The following TRA2A variants were observed in gnomAD, a reference collection of about 807,000 sequenced individuals.
TRA2A encodes transformer-2 protein homolog alpha.
TRA2A carries 31 observed loss-of-function variants against 45.7 expected under a neutral mutation model. That is an observed-to-expected ratio of 0.68 (90% confidence interval 0.51 to 0.92). The LOEUF (loss-of-function observed/expected upper bound fraction) is 0.92. Among genes scored for constraint, TRA2A ranks in the 40% least tolerant of loss-of-function variants. The pLI is 0.00. For missense variants in TRA2A, 304 were observed against 367.5 expected, an observed-to-expected ratio of 0.83 and a Z score of 1.41; for synonymous variants, 132 against 126.2, an observed-to-expected ratio of 1.05 and a Z score of -0.31.
Position 23,521,693 on chromosome 7 carries a change from T to C in TRA2A, c.170+14A>G. 1 of 1,613,874 alleles carries C rather than the reference T, an allele frequency of 6.2e-7. No homozygotes were observed. Among genetic ancestry groups the C allele is most frequent in the Non-Finnish European group, 8.5e-7 (1 of 1,179,856 alleles). On this transcript the variant is annotated intron_variant, in intron 2 of 7. Coordinates refer to ENST00000297071, the MANE Select transcript of TRA2A (RefSeq NM_013293.5). ...CCAGAAGAATATTTTAAGTATTATC[T>C]TAAACACACTTACCTGGATTTTGAT...
chr7:23,517,738 CCT>C (rs1194706874), intron 2 of TRA2A, among the ~76,000 whole-genome samples: 1 of 150,722 alleles, frequency 6.6e-6, no homozygotes, highest in African/African-American at 2.4e-5. Flanking sequence ...ATGGTAAAAC[CCT>C]GTCTCTACTA....
At chr7:23,516,615 A>T (rs1789884293) in intron 2 of TRA2A, 87 bp from the exon 3 acceptor site, 2 of 1,206,932 alleles carry the variant, frequency 1.7e-6, no homozygotes, top group East Asian at 4.7e-5. Flanking sequence ...ATATATCCCT[A>T]ACTATTCTCA....
chr7:23,507,573 C>G lies in TRA2A; in HGVS notation c.526-38G>C, dbSNP rs1380038144. 4 of 1,414,660 alleles carry G rather than the reference C, an allele frequency of 2.8e-6. No homozygotes were observed. The African/African-American group carries it at 5.6e-5, about 20-fold the overall frequency. The allele number at this position is 1,414,660 out of a possible 1,614,324, so 87.6% of individuals were successfully genotyped here. Reference sequence around the variant, plus strand: ...GGCACAAAAAGTCACGTATAATTCACCAGTCTTGAAGTAATCATTACTTAA... The same window carrying G: ...GGCACAAAAAGTCACGTATAATTCAGCAGTCTTGAAGTAATCATTACTTAA... On this transcript the variant is annotated intron_variant, in intron 4 of 7. Coordinates refer to ENST00000297071, the MANE Select transcript of TRA2A (RefSeq NM_013293.5).
chr7:23,522,712 T>A (rs1293284952), intron 1 of TRA2A, among the ~76,000 whole-genome samples: 1 of 152,134 alleles, frequency 6.6e-6, no homozygotes, highest in African/African-American at 2.4e-5. Context: ...TGTGAGCAAT[T>A]TTAATATAAT....
intron 6 of TRA2A, 125 bp downstream of exon 6, chr7:23,506,013 C>A (rs993604261): frequency 6.7e-6 from 6 of 897,096 alleles, no homozygotes; most frequent in Non-Finnish European, 1.0e-5. Flanking sequence ...AACTTCTGCT[C>A]CCAAAGGCGT....
intron 2 of TRA2A, among the ~76,000 whole-genome samples, chr7:23,517,670 T>C (rs1789947969): frequency 6.7e-6 from 1 of 150,300 alleles, no homozygotes. Context: ...TCCCAGTACT[T>C]TGGGAGGCCG....
intron 1 of TRA2A, among the ~76,000 whole-genome samples, chr7:23,527,076 G>C (rs1456541344): frequency 6.6e-6 from 1 of 151,842 alleles, no homozygotes; most frequent in Non-Finnish European, 1.5e-5. Context: ...CAATTTCAAA[G>C]GTAGAAAAAA....
intron 5 of TRA2A, 154 bp downstream of exon 5, chr7:23,507,266 A>AT: frequency 1.6e-6 from 1 of 609,210 alleles, no homozygotes; most frequent in African/African-American, 1.8e-5. Flanking sequence ...CACCTGGCTG[A>AT]TTTTTTATTT....
At chr7:23,530,861 T>TA (rs1790546571) in intron 1 of TRA2A, among the ~76,000 whole-genome samples, 1 of 152,068 alleles carries the variant, frequency 6.6e-6, no homozygotes, top group Non-Finnish European at 1.5e-5. Context: ...ATCTTAAAAA[T>TA]ACTGAGCCAA....
At chr7:23,515,530 T>C (rs1789826384) in intron 3 of TRA2A, among the ~76,000 whole-genome samples, 1 of 149,738 alleles carries the variant, frequency 6.7e-6, no homozygotes, top group Non-Finnish European at 1.5e-5. Flanking sequence ...ACATATTTCT[T>C]CCCAAATTTC....
intron 1 of TRA2A, 23 bp from the exon 2 acceptor site, chr7:23,521,863 A>C: frequency 6.2e-7 from 1 of 1,614,042 alleles, no homozygotes; most frequent in Non-Finnish European, 8.5e-7. Flanking sequence ...ACAGTATTAC[A>C]AATGGCACTG....
chr7:23,527,829 A>C (rs1051536834), intron 1 of TRA2A, among the ~76,000 whole-genome samples: 1 of 152,172 alleles, frequency 6.6e-6, no homozygotes, highest in African/African-American at 2.4e-5. Context: ...TCCTTTTCAA[A>C]ATCTTGCCCT....
At chr7:23,529,027 C>T (rs543258050) in intron 1 of TRA2A, among the ~76,000 whole-genome samples, 19 of 152,264 alleles carry the variant, frequency 1.2e-4, no homozygotes, top group African/African-American at 4.6e-4. Context: ...GAAAATTGCA[C>T]ATTTTTATAA....
chr7:23,513,365 C>G (rs144227012), intron 3 of TRA2A, among the ~76,000 whole-genome samples: 1 of 152,146 alleles, frequency 6.6e-6, no homozygotes, highest in African/African-American at 2.4e-5. Flanking sequence ...ATCTTGTAAT[C>G]CCAGCATTTT....
chr7:23,510,257 G>C (rs1237930278), intron 4 of TRA2A, among the ~76,000 whole-genome samples: 2 of 152,120 alleles, frequency 1.3e-5, no homozygotes, highest in Non-Finnish European at 2.9e-5. Flanking sequence ...GTCACCTAGT[G>C]AACTAAAAGG....
intron 1 of TRA2A, among the ~76,000 whole-genome samples, chr7:23,525,097 A>G (rs1415980826): frequency 6.6e-6 from 1 of 152,244 alleles, no homozygotes; most frequent in Non-Finnish European, 1.5e-5. Flanking sequence ...ATTTAGAAAT[A>G]AAGTAACATT....
At chr7:23,526,159 T>C (rs1701895995) in intron 1 of TRA2A, among the ~76,000 whole-genome samples, 1 of 152,186 alleles carries the variant, frequency 6.6e-6, no homozygotes, top group Non-Finnish European at 1.5e-5. Flanking sequence ...ACATGAACAA[T>C]TCCTACAGCA....
At chr7:23,511,754 A>G (rs1006892235) in intron 4 of TRA2A, among the ~76,000 whole-genome samples, 1 of 152,158 alleles carries the variant, frequency 6.6e-6, no homozygotes, top group Admixed American at 6.5e-5. Flanking sequence ...CTTCCTTTAT[A>G]ATACCGAACA....
intron 1 of TRA2A, chr7:23,531,165 G>A: frequency 1.0e-6 from 1 of 972,976 alleles, no homozygotes; most frequent in Non-Finnish European, 1.2e-6. Flanking sequence ...AAGGGTCGGT[G>A]CGGTCGTTGA....
Sources: allele counts gnomAD v4.1 joint callset (sites outside exome capture counted in the v4.1 genomes callset), GRCh38; gene constraint gnomAD v4.1.1; transcripts MANE v1.5; gene names NCBI Gene and HGNC (gene_info 2026-07-23, HGNC 2026-07-21).